Variants in LRRC71 observed in about 807,000 individuals in gnomAD.
LRRC71 encodes leucine rich repeat containing 71, also known as leucine-rich repeat-containing protein 71.
LRRC71 carries 54 observed loss-of-function variants against 66.6 expected under a neutral mutation model. That is an observed-to-expected ratio of 0.81 (90% CI 0.65 to 1.02). The LOEUF (loss-of-function observed/expected upper bound fraction) is 1.02. Among genes scored for constraint, LRRC71 ranks in the 50% least tolerant of loss-of-function variants. The pLI is 0.00. For synonymous variants in LRRC71, 323 were observed against 303.9 expected (o/e 1.06, Z -0.65); for missense variants, 724 against 718.0 (o/e 1.01, Z -0.10).
At position 156,929,391 on chromosome 1, in the gene LRRC71, AC is replaced by A. The variant is rs1309537583; in HGVS notation, c.1112del (p.Pro371LeufsTer45). ...DKTDKTQTMK[T>X]PKGLGKKKEK... is the part of the protein sequence containing the mutation. ...GACAGACAAGACGCAGACAATGAAA[AC>A]CCCTAAGGGCCTGGGCAAGAAAAAG... On this transcript the variant is annotated frameshift_variant, in exon 10 of 15. Transcript: ENST00000337428. LOFTEE classifies it high-confidence loss of function. 1 of 1,613,396 alleles carries A rather than the reference AC, an allele frequency of 6.2e-7. No homozygotes were observed. The highest frequency in any genetic ancestry group is 8.5e-7 in the Non-Finnish European group (1 of 1,179,788).
chr1:156,931,946 C>T lies in LRRC71; in HGVS notation c.1360C>T (p.Pro454Ser), dbSNP rs772514012. ...LVVEATEVVN[P>S]LLEPVEHRDG... ...TGTTGAGGCTACTGAGGTGGTCAAC[C>T]CTCTCCTGGAGCCTGTGGAGCACCG... is the stretch of plus-strand genomic sequence containing the variant. Residue 454 changes from proline (P) to serine (S), a missense_variant, in exon 13 of 15, where the codon CCT (proline) becomes TCT (serine). Transcript: ENST00000337428. 1 of 1,596,100 alleles carries T rather than the reference C, an allele frequency of 6.3e-7. No individual in the cohort carries two copies. The highest frequency in any genetic ancestry group is 8.5e-7 in the Non-Finnish European group (1 of 1,171,098).
downstream of LRRC71, among the ~76,000 whole-genome samples, chr1:156,936,497 A>AAAAATATATAT (rs370282821): frequency 8.8e-5 from 3 of 33,914 alleles, no homozygotes; most frequent in Non-Finnish European, 4.6e-5. Flanking sequence ...AAAAAAAAAA[A>AAAAATATATAT]ATATATATAT....
In LRRC71 at chr1:156,924,569, C is replaced by T. The variant is rs895309552; in HGVS notation, c.439+17C>T. 6.4e-7 allele frequency: 1 copy of T among 1,551,508 alleles called. No homozygotes were observed. Among genetic ancestry groups the T allele is most frequent in the Non-Finnish European group, 8.7e-7 (1 of 1,146,880 alleles). ...ACATCCGCGGTGAGCCCCGCTCCCC[C>T]CACCCGCCCCAGCTCCCTCCCGCTC... On this transcript the variant is annotated intron_variant, in intron 3 of 14. Coordinates refer to ENST00000337428, the MANE Select transcript of LRRC71 (RefSeq NM_144702.3).
chr1:156,927,641 G>A lies in LRRC71; in HGVS notation c.808G>A (p.Gly270Ser), dbSNP rs1235511341. ...GFNHIGDEGA[G>S]YIADGLRLNR... ...CAACCACATCGGTGACGAGGGCGCA[G>A]GCTACATCGCGGACGTGAGTGCACG... The change falls in exon 7 of 15, where the codon GGC (glycine) becomes AGC (serine). Residue 270 changes from glycine to serine, a missense_variant. Transcript: ENST00000337428. 5 of 1,606,134 alleles carry A rather than the reference G, an allele frequency of 3.1e-6. No individual in the cohort carries two copies. In the African/African-American group the frequency reaches 5.3e-5, roughly 17 times the overall value.
rs375741441 is a variant in LRRC71, at chr1:156,932,512, G to A, written c.1530G>A (p.Lys510=). The A allele has an allele frequency of 1.9e-6, 3 of 1,613,882 alleles. No individual in the cohort carries two copies. The highest frequency in any genetic ancestry group is 1.3e-5 in the African/African-American group (1 of 74,924). ...MQFSKAKSAS[K]GPVGLLWLSL... is the part of the protein sequence containing the mutation. ...TCTCCAAGGCCAAGAGTGCATCCAA[G>A]GGTCCAGTGGGGCTGCTGTGGCTGT... Residue 510 remains lysine (K), a synonymous_variant, in exon 14 of 15, where the codon AAG becomes AAA. Transcript: ENST00000337428.
Position 156,924,330 on chromosome 1 carries a change from G to C in LRRC71, c.311-94G>C, listed in dbSNP as rs950715519. 2.0e-5 allele frequency: 30 copies of C among 1,474,578 alleles called. No homozygotes were observed. In the African/African-American group the frequency reaches 3.8e-4, roughly 19 times the overall value. The allele number at this position is 1,474,578 out of a possible 1,614,324, so 91.3% of individuals were successfully genotyped here. The stretch of plus-strand genomic sequence containing the variant: ...CGCAGGCCGGCGCCTCCCCTCTGGC[G>C]GTGTCCTCCAATCCCACCCGGGCAC... On this transcript the variant is annotated intron_variant, in intron 2 of 14. Transcript: ENST00000337428.
intron 13 of LRRC71, 124 bp downstream of exon 13, chr1:156,932,151 C>T (rs553483326): frequency 3.7e-6 from 3 of 816,752 alleles, no homozygotes; most frequent in African/African-American, 1.7e-5. Context: ...TACATGTCCC[C>T]CAAGGCTCTC....
intron 11 of LRRC71, 88 bp from the exon 12 acceptor site, chr1:156,930,439 CTT>C (rs1340763682): frequency 1.3e-5 from 16 of 1,216,144 alleles, no homozygotes; most frequent in East Asian, 2.6e-5. Context: ...TGGGGGGTCT[CTT>C]TGCCTCACAG....
chr1:156,934,522 T>C (rs1458468168), downstream of LRRC71, among the ~76,000 whole-genome samples: 1 of 152,124 alleles, frequency 6.6e-6, no homozygotes, highest in Non-Finnish European at 1.5e-5. Context: ...TATATACACA[T>C]ATATGTGTAT....
rs1245065868 is a variant in LRRC71 at position 156,924,674 on chromosome 1, C to T, written c.471C>T (p.Val157=). 1 of 1,550,340 alleles carries T rather than the reference C, an allele frequency of 6.5e-7. No individual in the cohort carries two copies. The highest frequency in any genetic ancestry group is 8.7e-7 in the Non-Finnish European group (1 of 1,146,498). ...GWKVEERILG[V]FSKCLPPLTQ... ...AGGTTGAGGAACGGATTCTGGGTGTCTTCTCTAAATGTCTGCCCCCGCTTA... is the reference window on the plus strand; with the variant it reads ...AGGTTGAGGAACGGATTCTGGGTGTTTTCTCTAAATGTCTGCCCCCGCTTA... Residue 157 remains valine (V), a synonymous_variant, in exon 4 of 15, where the codon GTC becomes GTT. Transcript: ENST00000337428.
In LRRC71 at chr1:156,924,998, C is replaced by T. The variant is rs556107111; in HGVS notation, c.576C>T (p.Leu192=). The T allele has an allele frequency of 6.4e-7, 1 of 1,551,752 alleles. No homozygotes were observed. Among genetic ancestry groups the T allele is most frequent in the Admixed American group, 2.0e-5 (1 of 51,012 alleles). The change falls in exon 5 of 15, where the codon CTC becomes CTT. Residue 192 remains leucine, a synonymous_variant. Transcript: ENST00000337428. The part of the protein sequence containing the change: ...TLTTFIELLP[L]CSSTLRKVSL... ...CCACCTTCATCGAGCTCCTGCCTCT[C>T]TGTTCATCCACGCTCAGGTCAGCAG...
chr1:156,938,079 G>A (rs1466184320), downstream of LRRC71, among the ~76,000 whole-genome samples: 1 of 152,234 alleles, frequency 6.6e-6, no homozygotes, highest in Non-Finnish European at 1.5e-5. Context: ...CTGGAGCGGC[G>A]GCTGAGGTGG....
chr1:156,936,767 A>C (rs1263161263), downstream of LRRC71: 5 of 1,575,118 alleles, frequency 3.2e-6, no homozygotes, highest in Admixed American at 8.8e-5. Flanking sequence ...ACGAGTTGGC[A>C]GACTTCTCCC....
In LRRC71 at chr1:156,927,240, C is replaced by T. The variant is rs768219858; in HGVS notation, c.632C>T (p.Ser211Phe). Reference sequence around the variant, plus strand: ...GAGGGGAACCCACTGCCGGAGCAGTCCTATCACAAGCTCATGGCCTTGGAC... The same window carrying T: ...GAGGGGAACCCACTGCCGGAGCAGTTCTATCACAAGCTCATGGCCTTGGAC... Reference protein sequence around the residue: ...SLEGNPLPEQSYHKLMALDST... With the variant: ...SLEGNPLPEQFYHKLMALDST... Residue 211 changes from serine (S) to phenylalanine (F), a missense_variant, in exon 6 of 15, where the codon TCC (serine) becomes TTC (phenylalanine). Transcript: ENST00000337428. 10 of 1,613,626 alleles carry T rather than the reference C, an allele frequency of 6.2e-6. No individual in the cohort carries two copies. Among genetic ancestry groups the T allele is most frequent in the Non-Finnish European group, 8.5e-6 (10 of 1,179,814 alleles).
At chr1:156,921,712 AAC>A (rs34547094) in intron 1 of LRRC71, 17,837 of 278,172 alleles carry the variant, frequency 0.064, 1,015 homozygotes, top group African/African-American at 0.13. Context: ...TTACATTCAA[AAC>A]ACACACACAC....
chr1:156,920,722 A>G lies in LRRC71; in HGVS notation c.-82A>G. 7.4e-7 allele frequency: 1 copy of G among 1,343,064 alleles called. No homozygotes were observed. The highest frequency in any genetic ancestry group is 9.6e-7 in the Non-Finnish European group (1 of 1,041,448). 83.2% of individuals were successfully genotyped at this position (1,343,064 alleles called of 1,614,324 possible). A position where few individuals can be genotyped will look rare whatever the true frequency, so the allele number is the denominator to read the frequency against. ...GGAACAGAGATCCCCTGATTCAGCC[A>G]CCCCCAGACTGAGCCCCGTAGAGTG... On this transcript the variant is annotated 5_prime_UTR_variant, in exon 1 of 15. Transcript: ENST00000337428. This position sits in a 1 kb window ranked among gnomAD's most constrained non-coding sequence, Gnocchi z 4.9.
intron 5 of LRRC71, among the ~76,000 whole-genome samples, chr1:156,926,764 C>T (rs1215060560): frequency 5.3e-5 from 8 of 152,104 alleles, no homozygotes; most frequent in African/African-American, 1.7e-4. Flanking sequence ...TTAGTAAAGA[C>T]GGGGTTTCAC....
Position 156,924,460 on chromosome 1 carries a change from GC to G in LRRC71, c.349del (p.Leu117TrpfsTer24). 6.4e-7 allele frequency: 1 copy of G among 1,551,256 alleles called. No homozygotes were observed. The highest frequency in any genetic ancestry group is 1.2e-5 in the South Asian group (1 of 84,062). On this transcript the variant is annotated frameshift_variant, in exon 3 of 15. Transcript: ENST00000337428. LOFTEE classifies it high-confidence loss of function. ...CTGTCGGGGTCCTGCAGCCTCAATA[GC>G]CTGGAGAGCAAATACGTGTTCTTCC... is the stretch of plus-strand genomic sequence containing the variant. ...PRLSGSCSLNSLESKYVFFRP... is the reference protein window; with the variant it reads ...PRLSGSCSLNXLESKYVFFRP...
chr1:156,938,868 CT>C, the LRRC71 span: 1 of 259,718 alleles, frequency 3.9e-6, no homozygotes. Flanking sequence ...CTTTGTTCTA[CT>C]TTTCTTGCCA....
Sources: gnomAD v4.1 joint callset for allele counts (sites outside exome capture counted in the v4.1 genomes callset) on GRCh38, gnomAD v4.1.1 for gene constraint, Gnocchi (gnomAD v3.1) non-coding constraint, MANE v1.5 for transcripts, NCBI Gene and HGNC (gene_info 2026-07-23, HGNC 2026-07-21) for gene names.